Variants in CLIC2 observed in about 807,000 individuals in gnomAD.
CLIC2 encodes CLIC family member 2.
CLIC2 carries 9 observed loss-of-function variants against 14.8 expected under a neutral mutation model. The ratio of observed to expected loss-of-function variants is 0.61; its 90% confidence interval spans 0.37 to 1.06. The LOEUF is 1.06. CLIC2 is among the 50% of genes least tolerant of loss of function. CLIC2 has a pLI of 0.01. For missense variants in CLIC2, 148 were observed against 181.4 expected (o/e 0.82, Z 1.06); for synonymous variants, 61 against 66.3 (o/e 0.92, Z 0.39).
At position 155,277,886 on chromosome X, in the gene CLIC2, C is replaced by G. The variant is rs782142150; in HGVS notation, c.*17G>C. 26 of 1,192,191 alleles carry G rather than the reference C, an allele frequency of 2.2e-5. No individual in the cohort carries two copies. In the South Asian group the frequency reaches 4.3e-4, roughly 20 times the overall value. On this transcript the variant is annotated 3_prime_UTR_variant, in exon 6 of 6. Coordinates refer to ENST00000369449, the MANE Select transcript of CLIC2 (RefSeq NM_001289.6). Reference sequence around the variant, plus strand: ...AATCTGATCACAAATATAGCCTTGTCTCCTGTAAGAGCTCTCCTAACTCTT... The same window carrying G: ...AATCTGATCACAAATATAGCCTTGTGTCCTGTAAGAGCTCTCCTAACTCTT...
intron 3 of CLIC2, chrX:155,292,942 T>G (rs937191787): frequency 1.3e-4 from 137 of 1,068,398 alleles, no homozygotes; most frequent in African/African-American, 5.5e-5. Flanking sequence ...AAAGGTCAGT[T>G]CTTACCCAGT....
At chrX:155,305,254 C>G (rs1218191058) in intron 1 of CLIC2, among the ~76,000 whole-genome samples, 1 of 112,269 alleles carries the variant, frequency 8.9e-6, no homozygotes, top group Non-Finnish European at 1.9e-5. Flanking sequence ...TGGGACCCTC[C>G]GAGCCAGGTG....
intron 1 of CLIC2, among the ~76,000 whole-genome samples, chrX:155,299,657 T>C (rs1214183297): frequency 9.3e-6 from 1 of 107,721 alleles, no homozygotes; most frequent in African/African-American, 3.4e-5. Context: ...ACATGTGCCA[T>C]GCTGGTGCGC....
intron 3 of CLIC2, among the ~76,000 whole-genome samples, chrX:155,283,200 C>T (rs2074926401): frequency 8.9e-6 from 1 of 112,509 alleles, no homozygotes; most frequent in African/African-American, 3.2e-5. Flanking sequence ...AATTCTTAAC[C>T]ACTTAAGAAG....
At chrX:155,326,352 C>T (rs1569561402) in intron 1 of CLIC2, among the ~76,000 whole-genome samples, 1 of 111,428 alleles carries the variant, frequency 9.0e-6, no homozygotes, top group Non-Finnish European at 1.9e-5. Flanking sequence ...ACAAAATGTT[C>T]AATTTTATTA....
At chrX:155,313,025 C>G (rs1023424987) in intron 1 of CLIC2, among the ~76,000 whole-genome samples, 6 of 110,397 alleles carry the variant, frequency 5.4e-5, no homozygotes, top group African/African-American at 1.6e-4. Context: ...CACCATCTCA[C>G]GCAGTCAGAA....
At chrX:155,293,792 C>A (rs1557318072) in intron 3 of CLIC2, among the ~76,000 whole-genome samples, 1 of 110,565 alleles carries the variant, frequency 9.0e-6, no homozygotes, top group Non-Finnish European at 1.9e-5. Flanking sequence ...GACATTAAAT[C>A]AAAAAAAGTG....
chrX:155,289,362 A>C (rs2074954643), intron 3 of CLIC2, among the ~76,000 whole-genome samples: 1 of 111,698 alleles, frequency 9.0e-6, no homozygotes, highest in African/African-American at 3.3e-5. Flanking sequence ...ATGAGGCTCA[A>C]AATCTCTCTA....
chrX:155,333,154 ATAATC>A (rs1266187418), intron 1 of CLIC2, among the ~76,000 whole-genome samples: 1 of 111,920 alleles, frequency 8.9e-6, no homozygotes, highest in East Asian at 2.8e-4. Flanking sequence ...AAGCTGTTAA[ATAATC>A]TAACTGGCTG....
Position 155,334,333 on chromosome X carries a change from TA to T in CLIC2, c.57+37del, listed in dbSNP as rs782030567. 1.2e-5 allele frequency: 13 copies of T among 1,082,111 alleles called. No individual in the cohort carries two copies. The East Asian group carries it at 3.3e-4, about 28-fold the overall frequency. The allele number at this position is 1,082,111 out of a possible 1,213,427, so 89.2% of individuals were successfully genotyped here. On this transcript the variant is annotated intron_variant, in intron 1 of 5. Coordinates refer to ENST00000369449, the MANE Select transcript of CLIC2 (RefSeq NM_001289.6). ...ATTGGACTTCAGTGTCAAAAACTAA[TA>T]TATTCTACATGCAGTTATTATAACT...
Position 155,297,898 on chromosome X carries a change from A to G in CLIC2, c.293+887T>C, listed in dbSNP as rs187344768. Among the ~76,000 whole-genome samples, 5 of 103,294 alleles carry G rather than the reference A, an allele frequency of 4.8e-5. No homozygotes were observed. The East Asian group carries it at 1.5e-3, about 31-fold the overall frequency. 89.7% of individuals were successfully genotyped at this position (103,294 alleles called of 115,157 possible). A position where few individuals can be genotyped will look rare whatever the true frequency, so the allele number is the denominator to read the frequency against. On this transcript the variant is annotated intron_variant, in intron 3 of 5. Transcript: ENST00000369449. ...AAAAAAAAAAAAAAGAAGGTGAACC[A>G]TCAGAGAGACATTCTCCTGCAGGTT... is the stretch of plus-strand genomic sequence containing the variant.
chrX:155,287,995 A>T (rs1402028349), intron 3 of CLIC2, among the ~76,000 whole-genome samples: 1 of 111,072 alleles, frequency 9.0e-6, no homozygotes, highest in African/African-American at 3.3e-5. Context: ...CAGGTATTTT[A>T]TTTTTTTGTG....
chrX:155,330,485 AC>A (rs2075153130), intron 1 of CLIC2, among the ~76,000 whole-genome samples: 1 of 111,505 alleles, frequency 9.0e-6, no homozygotes, highest in Admixed American at 9.6e-5. Context: ...ACAATGAGAT[AC>A]CATGATAAAC....
At chrX:155,314,368 A>G (rs1557320913) in intron 1 of CLIC2, among the ~76,000 whole-genome samples, 1 of 112,493 alleles carries the variant, frequency 8.9e-6, no homozygotes, top group Non-Finnish European at 1.9e-5. Context: ...AGGTGCTGGT[A>G]TCCATGGCCA....
chrX:155,293,526 A>T lies in CLIC2; in HGVS notation c.293+5259T>A. 1.7e-5 allele frequency: 8 copies of T among 459,457 alleles called. No individual in the cohort carries two copies. In the South Asian group the frequency reaches 2.6e-4, roughly 15 times the overall value. The allele number at this position is 459,457 out of a possible 1,213,427, so 37.9% of individuals were successfully genotyped here. On this transcript the variant is annotated intron_variant, in intron 3 of 5. Coordinates refer to ENST00000369449, the MANE Select transcript of CLIC2 (RefSeq NM_001289.6). ...GAGAGAGAAAAAAAACAAAGAATAT[A>T]CAAAACAACCAGAAAAAAATAACAA... is the stretch of plus-strand genomic sequence containing the variant.
At chrX:155,281,687 A>T (rs1392026828) in intron 3 of CLIC2, among the ~76,000 whole-genome samples, 2 of 111,165 alleles carry the variant, frequency 1.8e-5, no homozygotes, top group Admixed American at 9.6e-5. Flanking sequence ...TCCAAAGCCT[A>T]TATTACTGTA....
chrX:155,301,092 T>C (rs1329568540), intron 1 of CLIC2, among the ~76,000 whole-genome samples: 14 of 57,205 alleles, frequency 2.4e-4, no homozygotes, highest in African/African-American at 6.5e-4. Context: ...AACTTTAAAG[T>C]AGTTTTTTCC....
chrX:155,293,131 A>G (rs1557317997), intron 3 of CLIC2: 8 of 633,078 alleles, frequency 1.3e-5, no homozygotes, highest in Non-Finnish European at 2.2e-5. Context: ...GAAGCGGAAA[A>G]ATAAAGGCAC....
At chrX:155,329,102 G>A (rs895266618) in intron 1 of CLIC2, among the ~76,000 whole-genome samples, 2 of 110,638 alleles carry the variant, frequency 1.8e-5, no homozygotes, top group African/African-American at 6.5e-5. Context: ...AAAAATGGAC[G>A]AATGGGATCA....
Sources: allele counts gnomAD v4.1 joint callset (sites outside exome capture counted in the v4.1 genomes callset), GRCh38; gene constraint gnomAD v4.1.1; transcripts MANE v1.5; gene names NCBI Gene and HGNC (gene_info 2026-07-23, HGNC 2026-07-21).